The following AKT3 variants were observed in gnomAD, a reference collection of about 807,000 sequenced individuals.
AKT3 encodes AKT serine/threonine kinase 3.
Under a neutral mutation model 65.3 loss-of-function variants are expected in AKT3, and 15 were observed. That is an observed-to-expected ratio of 0.23 (90% CI 0.15 to 0.35). AKT3 has a LOEUF of 0.35. Ranked by LOEUF, AKT3 falls within the 10% of genes least tolerant of loss-of-function variation. The pLI is 1.00. For missense variants in AKT3, 243 were observed against 576.5 expected, an observed-to-expected ratio of 0.42 and a Z score of 5.92; for synonymous variants, 206 against 183.8, an observed-to-expected ratio of 1.12 and a Z score of -0.98.
intron 1 of AKT3, among the ~76,000 whole-genome samples, chr1:243,845,070 T>C (rs1353335176): frequency 6.6e-6 from 1 of 152,148 alleles, no homozygotes; most frequent in African/African-American, 2.4e-5. Context: ...AGCAGTTAAG[T>C]TCAGTGTTAG....
At chr1:243,736,156 G>T (rs1687831253) in intron 2 of AKT3, among the ~76,000 whole-genome samples, 1 of 152,126 alleles carries the variant, frequency 6.6e-6, no homozygotes, top group African/African-American at 2.4e-5. Flanking sequence ...CTTATTATCA[G>T]TGTAACCTGG....
intron 5 of AKT3, among the ~76,000 whole-genome samples, chr1:243,643,585 G>A (rs1046734534): frequency 6.6e-6 from 1 of 152,108 alleles, no homozygotes; most frequent in African/African-American, 2.4e-5. Context: ...TGTCTGTGAG[G>A]CCCTTGCCTC....
chr1:243,499,486 C>G (rs2148330180), downstream of AKT3, among the ~76,000 whole-genome samples: 1 of 152,132 alleles, frequency 6.6e-6, no homozygotes, highest in African/African-American at 2.4e-5. Flanking sequence ...TAACACCAGA[C>G]TGTCCTTATT....
chr1:243,610,692 G>A (rs1677805163), intron 8 of AKT3, among the ~76,000 whole-genome samples: 1 of 152,014 alleles, frequency 6.6e-6, no homozygotes, highest in Non-Finnish European at 1.5e-5. Context: ...CTTATCCCTG[G>A]CCACTCAGTT....
chr1:243,536,497 G>T (rs149761049), intron 12 of AKT3, among the ~76,000 whole-genome samples: 3 of 152,132 alleles, frequency 2.0e-5, no homozygotes, highest in Non-Finnish European at 4.4e-5. Flanking sequence ...TACTTATCAC[G>T]TTTAATATCT....
intron 2 of AKT3, among the ~76,000 whole-genome samples, chr1:243,723,612 T>C (rs575172219): frequency 5.3e-5 from 8 of 152,118 alleles, no homozygotes; most frequent in Admixed American, 1.3e-4. Context: ...CTATGGAAAA[T>C]GGCACAATCA....
intron 10 of AKT3, among the ~76,000 whole-genome samples, chr1:243,553,153 G>A (rs1673184101): frequency 6.6e-6 from 1 of 150,652 alleles, no homozygotes; most frequent in Non-Finnish European, 1.5e-5. Flanking sequence ...CAAATGGCCA[G>A]TGTACAAAAA....
At chr1:243,680,180 G>A (rs1683817032) in intron 3 of AKT3, among the ~76,000 whole-genome samples, 1 of 152,120 alleles carries the variant, frequency 6.6e-6, no homozygotes, top group Non-Finnish European at 1.5e-5. Context: ...TAGATTCTGA[G>A]TGCATGGGTT....
At chr1:243,682,185 A>G (rs1275474595) in intron 3 of AKT3, among the ~76,000 whole-genome samples, 1 of 152,068 alleles carries the variant, frequency 6.6e-6, no homozygotes, top group African/African-American at 2.4e-5. Context: ...ATAAGGTCAT[A>G]AAAAAATTAT....
intron 12 of AKT3, among the ~76,000 whole-genome samples, chr1:243,516,167 C>A (rs529251122): frequency 2.0e-5 from 3 of 152,198 alleles, no homozygotes; most frequent in African/African-American, 7.2e-5. Context: ...AGGATCTTAA[C>A]CACAACTATA....
At chr1:243,718,968 G>A (rs966564725) in intron 2 of AKT3, among the ~76,000 whole-genome samples, 2 of 152,056 alleles carry the variant, frequency 1.3e-5, no homozygotes, top group African/African-American at 4.8e-5. Context: ...CATGGGATAA[G>A]TCATTCCCTA....
chr1:243,743,383 T>TC (rs1688285146), intron 2 of AKT3, among the ~76,000 whole-genome samples: 1 of 152,228 alleles, frequency 6.6e-6, no homozygotes, highest in Non-Finnish European at 1.5e-5. Flanking sequence ...TTAAAACACT[T>TC]CATTTTTTCT....
intron 12 of AKT3, among the ~76,000 whole-genome samples, chr1:243,536,695 T>C (rs1185419233): frequency 6.6e-6 from 1 of 152,198 alleles, no homozygotes; most frequent in Non-Finnish European, 1.5e-5. Flanking sequence ...GCTTTAACTG[T>C]ATACATTTTA....
chr1:243,803,865 T>TTC (rs2148374547), intron 2 of AKT3, among the ~76,000 whole-genome samples: 1 of 152,236 alleles, frequency 6.6e-6, no homozygotes, highest in East Asian at 1.9e-4. Flanking sequence ...AAAACTGACA[T>TTC]AAGGAGGAAC....
chr1:243,831,333 A>T (rs1316638289), intron 2 of AKT3, among the ~76,000 whole-genome samples: 1 of 152,230 alleles, frequency 6.6e-6, no homozygotes, highest in Admixed American at 6.5e-5. Context: ...AGTCATAAGG[A>T]GGTCAAGACA....
At chr1:243,647,872 T>TTTTA (rs1415294272) in intron 4 of AKT3, among the ~76,000 whole-genome samples, 1 of 152,074 alleles carries the variant, frequency 6.6e-6, no homozygotes, top group Non-Finnish European at 1.5e-5. Flanking sequence ...ATTATGTAAG[T>TTTTA]TGTAGATCTT....
rs574643961 is a variant in AKT3 at position 243,502,285 on chromosome 1, G to T, written c.*2964C>A. 272 of 232,888 alleles carry T rather than the reference G, an allele frequency of 1.2e-3. No homozygotes were observed. The highest frequency in any genetic ancestry group is 1.9e-3 in the Non-Finnish European group (227 of 117,808). The allele number at this position is 232,888 out of a possible 1,614,324, so 14.4% of individuals were successfully genotyped here. A position where few individuals can be genotyped will look rare whatever the true frequency, so the allele number is the denominator to read the frequency against. On this transcript the variant is annotated 3_prime_UTR_variant, in exon 14 of 14. Transcript: ENST00000673466. ...CCCTTACTTTTGTACTCTAGGAGAA[G>T]CAAGTGGCCCCTGCAAGAACAGTCA... is the stretch of plus-strand genomic sequence containing the variant.
chr1:243,843,840 C>T lies in AKT3; in HGVS notation c.-112-558G>A, dbSNP rs181964002. Among the ~76,000 whole-genome samples the T allele has an allele frequency of 8.5e-5, 12 of 141,278 alleles. No homozygotes were observed. In the East Asian group the frequency reaches 1.1e-3, roughly 13 times the overall value. 92.7% of individuals were successfully genotyped at this position (141,278 alleles called of 152,430 possible). ...CTAATTTTTGTATTTTTAGTAGAAA[C>T]GGGGTTTCACCATATTGGCCAGGCT... is the stretch of plus-strand genomic sequence containing the variant. On this transcript the variant is annotated intron_variant, in intron 1 of 13. Coordinates refer to ENST00000673466, the MANE Select transcript of AKT3 (RefSeq NM_005465.7).
intron 2 of AKT3, among the ~76,000 whole-genome samples, chr1:243,836,537 T>C (rs1419831093): frequency 2.0e-5 from 3 of 149,474 alleles, no homozygotes; most frequent in African/African-American, 4.9e-5. Flanking sequence ...CTTGACTAGA[T>C]ATTTATAACA....
Sources: gnomAD v4.1 joint callset for allele counts (sites outside exome capture counted in the v4.1 genomes callset) on GRCh38, gnomAD v4.1.1 for gene constraint, MANE v1.5 for transcripts, NCBI Gene and HGNC (gene_info 2026-07-23, HGNC 2026-07-21) for gene names.